Variants in AFDN observed in about 807,000 individuals in gnomAD.
AFDN encodes the protein afadin, adherens junction formation factor.
Under a neutral mutation model 216.6 loss-of-function variants are expected in AFDN, and 68 were observed. The ratio of observed to expected loss-of-function variants is 0.31; its 90% confidence interval spans 0.26 to 0.38. The LOEUF (loss-of-function observed/expected upper bound fraction) is 0.38. Ranked by LOEUF, AFDN falls within the 10% of genes least tolerant of loss-of-function variation. The probability of loss-of-function intolerance (pLI) is 1.00; values close to 1 mark genes in which losing one functional copy is unlikely to be tolerated. For synonymous variants in AFDN, 868 were observed against 853.7 expected (o/e 1.02, Z -0.29); for missense variants, 2,136 against 2,342.0 (o/e 0.91, Z 1.82).
At chr6:167,881,650 G>A (rs980009157) in intron 6 of AFDN, among the ~76,000 whole-genome samples, 3 of 152,170 alleles carry the variant, frequency 2.0e-5, no homozygotes, top group East Asian at 1.9e-4. Flanking sequence ...AGACTCCACC[G>A]GATTCACTTC....
chr6:167,885,634 TTAA>T (rs1350915897), intron 6 of AFDN, among the ~76,000 whole-genome samples: 5 of 152,120 alleles, frequency 3.3e-5, no homozygotes, highest in African/African-American at 9.7e-5. Flanking sequence ...CATGACAGAT[TTAA>T]TAATAATAAT....
rs557623065 is a variant in AFDN at position 167,925,832 on chromosome 6, A to C, written c.3099+741A>C. 2.6e-5 allele frequency among the ~76,000 whole-genome samples: 4 copies of C among 152,238 alleles called. No homozygotes were observed. In the South Asian group the frequency reaches 8.3e-4, roughly 32 times the overall value. ...TTAGAATGAATTTTAGCTTTGAATC[A>C]TATTTAGATATTTTCCATGAAACAA... On this transcript the variant is annotated intron_variant, in intron 23 of 33. Transcript: ENST00000683244.
At chr6:167,929,740 G>T (rs773507309) in intron 23 of AFDN, among the ~76,000 whole-genome samples, 1 of 152,238 alleles carries the variant, frequency 6.6e-6, no homozygotes, top group Non-Finnish European at 1.5e-5. Context: ...CTTTGCTGGG[G>T]ACATAGACCT....
intron 30 of AFDN, among the ~76,000 whole-genome samples, chr6:167,957,908 A>C (rs1308779388): frequency 1.3e-5 from 2 of 152,248 alleles, no homozygotes; most frequent in Non-Finnish European, 2.9e-5. Flanking sequence ...TCTATGGCAG[A>C]GCACAAGGGC....
At chr6:167,880,609 A>G (rs1785993171) in intron 6 of AFDN, 92 bp downstream of exon 6, 2 of 1,260,974 alleles carry the variant, frequency 1.6e-6, no homozygotes, top group African/African-American at 1.5e-5. Context: ...TTTTCAGCCT[A>G]CCATATCATT....
At chr6:167,891,128 T>C (rs561232766) in intron 8 of AFDN, 99 bp downstream of exon 8, 2 of 974,998 alleles carry the variant, frequency 2.1e-6, no homozygotes, top group Non-Finnish European at 2.8e-6. Flanking sequence ...TTCTGTTGGC[T>C]GACTTAACAT....
intron 3 of AFDN, among the ~76,000 whole-genome samples, chr6:167,871,217 G>A (rs1784757500): frequency 6.7e-6 from 1 of 148,272 alleles, no homozygotes; most frequent in South Asian, 2.1e-4. Context: ...GAAGAGTCAT[G>A]GAGATGTACA....
Position 167,907,221 on chromosome 6 carries a change from C to T in AFDN, c.1701C>T (p.Ala567=), listed in dbSNP as rs747942172. 24 of 1,613,978 alleles carry T rather than the reference C, an allele frequency of 1.5e-5. No individual in the cohort carries two copies. The highest frequency in any genetic ancestry group is 8.9e-5 in the East Asian group (4 of 44,886). ...SDRVSSASST[A]ERGMVKPMIR... ...GAGTGTCGTCTGCCTCTAGCACAGCCGAGCGGGGAATGGTGAAGCCGATGA... is the reference window on the plus strand; with the variant it reads ...GAGTGTCGTCTGCCTCTAGCACAGCTGAGCGGGGAATGGTGAAGCCGATGA... Residue 567 remains alanine, a synonymous_variant, in exon 13 of 34, where the codon GCC becomes GCT. Coordinates refer to ENST00000683244, the MANE Select transcript of AFDN (RefSeq NM_001386888.1).
chr6:167,859,512 G>A (rs529477964), intron 1 of AFDN, among the ~76,000 whole-genome samples: 1 of 152,310 alleles, frequency 6.6e-6, no homozygotes, highest in African/African-American at 2.4e-5. Context: ...GCTAGGACAT[G>A]GGTTTCGTCT....
rs920168352 is a variant in AFDN, at chr6:167,962,792, C to T, written c.4968+225C>T. On this transcript the variant is annotated intron_variant, in intron 31 of 33. Coordinates refer to ENST00000683244, the MANE Select transcript of AFDN (RefSeq NM_001386888.1). This position sits in a 1 kb window ranked among gnomAD's most constrained non-coding sequence, Gnocchi z 5.2. ...TCCCCTTATCTGCCAAGTTTTGTCT[C>T]CTTCAAACTTCTGAACTCTTGGGCG... 2.2e-6 allele frequency: 3 copies of T among 1,379,672 alleles called. No homozygotes were observed. The Admixed American group carries it at 8.8e-5, about 41-fold the overall frequency. 85.5% of individuals were successfully genotyped at this position (1,379,672 alleles called of 1,614,324 possible). A position where few individuals can be genotyped will look rare whatever the true frequency, so the allele number is the denominator to read the frequency against.
intron 30 of AFDN, chr6:167,954,489 A>G: frequency 1.9e-6 from 3 of 1,597,396 alleles, no homozygotes; most frequent in Non-Finnish European, 2.6e-6. Context: ...TCTGTTCTAG[A>G]TTTGGTATGT....
At chr6:167,968,696 A>G (rs886801795) in intron 32 of AFDN, 2 of 180,374 alleles carry the variant, frequency 1.1e-5, no homozygotes, top group African/African-American at 4.6e-5. Flanking sequence ...ACACTTAGTG[A>G]CATTATTACT....
intron 5 of AFDN, among the ~76,000 whole-genome samples, chr6:167,877,313 A>G (rs910584989): frequency 6.6e-6 from 1 of 152,172 alleles, no homozygotes; most frequent in Non-Finnish European, 1.5e-5. Flanking sequence ...GATATGGGAT[A>G]TATTTTAGGC....
chr6:167,965,738 T>C lies in AFDN; in HGVS notation c.4969-19T>C. The C allele has an allele frequency of 6.6e-7, 1 of 1,512,056 alleles. No homozygotes were observed. The highest frequency in any genetic ancestry group is 8.8e-7 in the Non-Finnish European group (1 of 1,130,374). The allele number at this position is 1,512,056 out of a possible 1,614,324, so 93.7% of individuals were successfully genotyped here. On this transcript the variant is annotated intron_variant, in intron 31 of 33. Transcript: ENST00000683244. ...TTCTCACCTCTGACCTTTGCACTCT[T>C]GTCTATTCCCGCCCGCAGAGGCGAC...
intron 1 of AFDN, among the ~76,000 whole-genome samples, chr6:167,858,840 GAA>G (rs966808282): frequency 9.9e-5 from 15 of 152,114 alleles, no homozygotes; most frequent in Non-Finnish European, 2.9e-5. Context: ...TATAAATGAG[GAA>G]ACCAAGGTTA....
At chr6:167,828,119 C>T (rs1462620042) in intron 1 of AFDN, among the ~76,000 whole-genome samples, 4 of 152,180 alleles carry the variant, frequency 2.6e-5, no homozygotes, top group South Asian at 2.1e-4. Flanking sequence ...GGTGGCTGCA[C>T]AGACTTTACC....
At chr6:167,889,932 TG>T (rs1787357747) in intron 7 of AFDN, among the ~76,000 whole-genome samples, 1 of 152,260 alleles carries the variant, frequency 6.6e-6, no homozygotes, top group Non-Finnish European at 1.5e-5. Flanking sequence ...AAATGACTTC[TG>T]TAACCCTATA....
intron 13 of AFDN, among the ~76,000 whole-genome samples, chr6:167,908,273 G>A (rs1419992020): frequency 6.6e-6 from 1 of 152,198 alleles, no homozygotes; most frequent in African/African-American, 2.4e-5. Flanking sequence ...CCAGCAGAGG[G>A]CACTGGATAT....
In AFDN at chr6:167,914,691, C is replaced by T. The variant is rs942659826; in HGVS notation, c.2252C>T (p.Ala751Val). 6.2e-7 allele frequency: 1 copy of T among 1,613,592 alleles called. No individual in the cohort carries two copies. Among genetic ancestry groups the T allele is most frequent in the Non-Finnish European group, 8.5e-7 (1 of 1,179,658 alleles). Residue 751 changes from alanine to valine, a missense_variant, in exon 18 of 34, where the codon GCC (alanine) becomes GTC (valine). By Grantham distance (64) the Ala-to-Val change is moderately conservative (BLOSUM62 0). Coordinates refer to ENST00000683244, the MANE Select transcript of AFDN (RefSeq NM_001386888.1). Reference protein sequence around the residue: ...LQSELNNYMPAFLDDPEENSL... With the variant: ...LQSELNNYMPVFLDDPEENSL... ...TCAGAACTTAATAATTACATGCCAG[C>T]CTTTCTAGATGACCCTGAAGAGAAC... is the stretch of plus-strand genomic sequence containing the variant.
Sources: gnomAD v4.1 joint callset for allele counts (sites outside exome capture counted in the v4.1 genomes callset) on GRCh38, gnomAD v4.1.1 for gene constraint, Gnocchi (gnomAD v3.1) non-coding constraint, MANE v1.5 for transcripts, NCBI Gene and HGNC (gene_info 2026-07-23, HGNC 2026-07-21) for gene names.